Variants in THSD7A observed in about 807,000 individuals in gnomAD.
THSD7A encodes thrombospondin type-1 domain-containing protein 7A.
In THSD7A, 96 loss-of-function variants were observed where a neutral mutation model predicts 231.3. The observed-to-expected ratio is 0.41, with a 90% CI of 0.35 to 0.49. The LOEUF is 0.49. Among genes scored for constraint, THSD7A ranks in the 20% least tolerant of loss-of-function variants. The pLI, the probability that THSD7A is intolerant of heterozygous loss-of-function variation, is 0.05. For missense variants in THSD7A, 2,290 were observed against 2,070.2 expected (o/e 1.11, Z -2.06); for synonymous variants, 940 against 743.3 (o/e 1.26, Z -4.30).
intron 5 of THSD7A, among the ~76,000 whole-genome samples, chr7:11,541,979 C>T (rs1789171328): frequency 6.6e-6 from 1 of 152,254 alleles, no homozygotes; most frequent in Admixed American, 6.5e-5. Flanking sequence ...CTTGGAAAGT[C>T]TGTAGCTATA....
At chr7:11,774,214 G>T (rs1281942598) in intron 1 of THSD7A, among the ~76,000 whole-genome samples, 1 of 152,054 alleles carries the variant, frequency 6.6e-6, no homozygotes, top group Non-Finnish European at 1.5e-5. Context: ...AAAACCTTAG[G>T]CTAAATGAAA....
Position 11,802,830 on chromosome 7 carries a change from T to C in THSD7A, c.190+28927A>G, listed in dbSNP as rs1197217177. On this transcript the variant is annotated intron_variant, in intron 1 of 27. Coordinates refer to ENST00000423059, the MANE Select transcript of THSD7A (RefSeq NM_015204.3). ...TCCATCCATGCAGATTTAACTAGTA[T>C]CTGCATCCTAAAATGTGTGAAGTTC... 2.0e-5 allele frequency among the ~76,000 whole-genome samples: 3 copies of C among 152,166 alleles called. No homozygotes were observed. The East Asian group carries it at 5.8e-4, about 29-fold the overall frequency.
chr7:11,716,770 T>C (rs183191169), intron 1 of THSD7A, among the ~76,000 whole-genome samples: 3 of 151,764 alleles, frequency 2.0e-5, no homozygotes, highest in Admixed American at 6.6e-5. Flanking sequence ...GCCTTATGTA[T>C]ATGGCTGTCC....
At chr7:11,504,630 T>C (rs1403921959) in intron 6 of THSD7A, among the ~76,000 whole-genome samples, 1 of 152,168 alleles carries the variant, frequency 6.6e-6, no homozygotes, top group African/African-American at 2.4e-5. Context: ...GCAGGTAAGA[T>C]AATAATCTAC....
At chr7:11,613,921 T>G (rs1368108661) in intron 2 of THSD7A, among the ~76,000 whole-genome samples, 3 of 152,202 alleles carry the variant, frequency 2.0e-5, no homozygotes, top group African/African-American at 7.2e-5. Flanking sequence ...CTATTGCTTC[T>G]GAATAGAGAA....
chr7:11,436,774 C>T (rs772492645), intron 13 of THSD7A, among the ~76,000 whole-genome samples: 14 of 151,596 alleles, frequency 9.2e-5, no homozygotes, highest in Non-Finnish European at 1.6e-4. Flanking sequence ...GTTTCTTCTT[C>T]CTACATTATT....
intron 6 of THSD7A, among the ~76,000 whole-genome samples, chr7:11,493,068 G>C (rs983584905): frequency 2.0e-5 from 3 of 152,104 alleles, no homozygotes; most frequent in African/African-American, 4.8e-5. Context: ...TAGCATTTAT[G>C]AAAAGTTGCT....
intron 1 of THSD7A, among the ~76,000 whole-genome samples, chr7:11,784,703 G>A (rs1425558806): frequency 6.6e-6 from 1 of 151,846 alleles, no homozygotes; most frequent in Admixed American, 6.6e-5. Context: ...CTACAGCTTG[G>A]AGCCAATAAT....
intron 23 of THSD7A, chr7:11,384,796 T>G (rs919117298): frequency 6.6e-6 from 1 of 152,004 alleles, no homozygotes; most frequent in African/African-American, 2.4e-5. Flanking sequence ...CCACTTTTCC[T>G]TCTTAAAAAC....
rs138721933 is a variant in THSD7A, at chr7:11,562,218, C to T, written c.1454-19101G>A. Among the ~76,000 whole-genome samples the T allele has an allele frequency of 1.4e-3, 216 of 152,212 alleles. 2 individuals carry two copies. Among genetic ancestry groups the T allele is most frequent in the African/African-American group, 4.4e-3 (184 of 41,532 alleles). On this transcript the variant is annotated intron_variant, in intron 4 of 27. Coordinates refer to ENST00000423059, the MANE Select transcript of THSD7A (RefSeq NM_015204.3). ...CTTTCAAAGCTAAATCATTTTTGTT[C>T]TAAGGCTCTCAAATGTACAAATGTA... is the stretch of plus-strand genomic sequence containing the variant.
At chr7:11,545,782 A>G (rs1199435627) in intron 4 of THSD7A, among the ~76,000 whole-genome samples, 1 of 152,200 alleles carries the variant, frequency 6.6e-6, no homozygotes. Flanking sequence ...GGTCTCTAAT[A>G]TGTGCAGAAT....
At chr7:11,428,916 A>G in intron 14 of THSD7A, 31 bp downstream of exon 14, 1 of 1,563,392 alleles carries the variant, frequency 6.4e-7, no homozygotes, top group Non-Finnish European at 8.6e-7. Flanking sequence ...AATCTCAACA[A>G]TATCTTAACA....
At chr7:11,811,825 G>T (rs1784535390) in intron 1 of THSD7A, among the ~76,000 whole-genome samples, 1 of 152,124 alleles carries the variant, frequency 6.6e-6, no homozygotes, top group African/African-American at 2.4e-5. Context: ...GGGAAGAAAA[G>T]AAAAGGAAAA....
chr7:11,599,682 A>G (rs568671875), intron 2 of THSD7A, among the ~76,000 whole-genome samples: 1 of 152,274 alleles, frequency 6.6e-6, no homozygotes, highest in Admixed American at 6.5e-5. Context: ...TTTTAAGATT[A>G]TGTATCATCT....
intron 1 of THSD7A, among the ~76,000 whole-genome samples, chr7:11,740,469 C>T (rs145149089): frequency 6.6e-6 from 1 of 152,110 alleles, no homozygotes; most frequent in African/African-American, 2.4e-5. Flanking sequence ...GATTCTTCAG[C>T]TACATCTCCT....
intron 1 of THSD7A, among the ~76,000 whole-genome samples, chr7:11,764,790 T>G (rs1416367194): frequency 1.3e-5 from 2 of 152,094 alleles, no homozygotes; most frequent in Non-Finnish European, 2.9e-5. Flanking sequence ...TTTATTCAAT[T>G]TCAGCCCTTG....
chr7:11,806,057 A>G (rs1784390922), intron 1 of THSD7A, among the ~76,000 whole-genome samples: 1 of 152,116 alleles, frequency 6.6e-6, no homozygotes. Context: ...CAGTTTTTTG[A>G]CCTACAATGC....
At chr7:11,553,591 T>G (rs1789721440) in intron 4 of THSD7A, among the ~76,000 whole-genome samples, 2 of 152,096 alleles carry the variant, frequency 1.3e-5, no homozygotes, top group Non-Finnish European at 2.9e-5. Flanking sequence ...AAATACATAT[T>G]AAACTTTAAG....
intron 1 of THSD7A, among the ~76,000 whole-genome samples, chr7:11,684,584 C>A (rs768877138): frequency 1.3e-5 from 2 of 151,762 alleles, no homozygotes; most frequent in Admixed American, 1.3e-4. Context: ...TTTCTATACA[C>A]CAATAATGTT....
Sources: allele counts gnomAD v4.1 joint callset (sites outside exome capture counted in the v4.1 genomes callset), GRCh38; gene constraint gnomAD v4.1.1; transcripts MANE v1.5; gene names NCBI Gene and HGNC (gene_info 2026-07-23, HGNC 2026-07-21).